TNS1: variants seen among roughly 807,000 people sequenced by gnomAD.
TNS1 encodes tensin 1.
Under a neutral mutation model 168.6 loss-of-function variants are expected in TNS1, and 62 were observed. The observed-to-expected ratio is 0.37, with a 90% CI of 0.30 to 0.45. TNS1 has a LOEUF of 0.45. TNS1 is among the 20% of genes least tolerant of loss of function. The pLI, the probability that TNS1 is intolerant of heterozygous loss-of-function variation, is 1.00. For missense variants in TNS1, 2,240 were observed against 2,339.4 expected (o/e 0.96, Z 0.88); for synonymous variants, 934 against 933.2 (o/e 1.00, Z -0.02).
upstream of TNS1, among the ~76,000 whole-genome samples, chr2:218,013,705 C>T (rs1367065423): frequency 2.6e-5 from 4 of 152,108 alleles, no homozygotes; most frequent in Admixed American, 1.3e-4. Context: ...TCCTCCCTCC[C>T]GCACCTCTCC....
At position 217,880,180 on chromosome 2, in the gene TNS1, C is replaced by T. The variant is rs1950559185; in HGVS notation, c.1429+718G>A. On this transcript the variant is annotated intron_variant, in intron 18 of 32. Coordinates refer to ENST00000682258, the MANE Select transcript of TNS1 (RefSeq NM_001387777.1). This position sits in a 1 kb window ranked among gnomAD's most constrained non-coding sequence, Gnocchi z 4.2. ...TCGGAGCCCGCCCCACGTCTCCTTA[C>T]ACATATGCAGATAGACCACATAAAT... 6.6e-6 allele frequency among the ~76,000 whole-genome samples: 1 copy of T among 152,216 alleles called. No individual in the cohort carries two copies. The highest frequency in any genetic ancestry group is 2.4e-5 in the African/African-American group (1 of 41,456).
intron 2 of TNS1, among the ~76,000 whole-genome samples, chr2:217,985,931 C>T (rs1958182977): frequency 6.6e-6 from 1 of 152,190 alleles, no homozygotes; most frequent in Admixed American, 6.5e-5. Flanking sequence ...GCCCTGACCC[C>T]TTAAGATTCC....
chr2:217,985,112 G>A (rs1958162041), intron 2 of TNS1, among the ~76,000 whole-genome samples: 1 of 149,298 alleles, frequency 6.7e-6, no homozygotes, highest in South Asian at 2.1e-4. Context: ...TAGTGTTAGT[G>A]TACTTTATGT....
upstream of TNS1, among the ~76,000 whole-genome samples, chr2:218,011,310 C>CA (rs1958704101): frequency 6.6e-6 from 1 of 152,120 alleles, no homozygotes; most frequent in Admixed American, 6.5e-5. Context: ...GGGAGAGACA[C>CA]AGAGACAGGT....
intron 3 of TNS1, among the ~76,000 whole-genome samples, chr2:217,928,210 G>A (rs1575099537): frequency 6.6e-6 from 1 of 152,238 alleles, no homozygotes; most frequent in African/African-American, 2.4e-5. Flanking sequence ...AAGATTACAA[G>A]GCTTGCCTGA....
intron 6 of TNS1, among the ~76,000 whole-genome samples, chr2:217,902,183 A>G (rs1009103510): frequency 4.6e-5 from 7 of 152,174 alleles, no homozygotes; most frequent in African/African-American, 1.7e-4. Flanking sequence ...TCAGAGGAAC[A>G]CAGAAACCCA....
intron 32 of TNS1, among the ~76,000 whole-genome samples, chr2:217,807,005 G>C (rs543106616): frequency 7.2e-4 from 110 of 152,292 alleles, no homozygotes; most frequent in African/African-American, 2.6e-3. Flanking sequence ...CCACCTCTCT[G>C]AGGTGCTGAT....
intron 22 of TNS1, among the ~76,000 whole-genome samples, chr2:217,825,668 TG>T (rs1417009870): frequency 6.6e-6 from 1 of 152,016 alleles, no homozygotes; most frequent in African/African-American, 2.4e-5. Flanking sequence ...GCCAAGCCTG[TG>T]GCTTGCGGGT....
intron 3 of TNS1, among the ~76,000 whole-genome samples, chr2:217,921,472 C>T (rs998384956): frequency 2.0e-5 from 3 of 152,216 alleles, no homozygotes; most frequent in Admixed American, 6.5e-5. Context: ...TCCAGCTGAC[C>T]GCATGCTGTC....
rs1358944494 is a variant in TNS1 at position 217,813,259 on chromosome 2, G to C, written c.4910C>G (p.Pro1637Arg). ...LVRHFLIETG[P>R]RGVKLKGCPN... Reference sequence around the variant, plus strand: ...GCAGCCCTTGAGCTTGACTCCTCTGGGGCCAGTCTCTATCAGAAAATGCCT... The same window carrying C: ...GCAGCCCTTGAGCTTGACTCCTCTGCGGCCAGTCTCTATCAGAAAATGCCT... Residue 1637 changes from proline to arginine, a missense_variant, in exon 27 of 33, where the codon CCC becomes CGC. By Grantham distance (103) the Pro-to-Arg change is moderately radical. Coordinates refer to ENST00000682258, the MANE Select transcript of TNS1 (RefSeq NM_001387777.1). The surrounding 1 kb of genome is among the most constrained non-coding windows in gnomAD (Gnocchi z 4.0). 6.2e-7 allele frequency: 1 copy of C among 1,602,334 alleles called. No homozygotes were observed. The highest frequency in any genetic ancestry group is 1.3e-5 in the African/African-American group (1 of 74,664).
chr2:217,905,759 G>C (rs543413966), intron 6 of TNS1, among the ~76,000 whole-genome samples: 1 of 152,356 alleles, frequency 6.6e-6, no homozygotes, highest in South Asian at 2.1e-4. Flanking sequence ...TCCTGGAAGA[G>C]ACCCCGAGCC....
chr2:217,870,676 G>T (rs183751734), intron 18 of TNS1, among the ~76,000 whole-genome samples: 342 of 152,256 alleles, frequency 2.2e-3, no homozygotes, highest in Admixed American at 3.7e-3. Context: ...GCGTGGCTCC[G>T]GCCTTCCAGC....
chr2:217,849,400 G>A (rs1371224659), intron 18 of TNS1, among the ~76,000 whole-genome samples: 1 of 152,238 alleles, frequency 6.6e-6, no homozygotes, highest in Non-Finnish European at 1.5e-5. Context: ...CTGACCAGAG[G>A]CATGAATAAC....
At chr2:217,820,396 T>C (rs73074321) in intron 23 of TNS1, among the ~76,000 whole-genome samples, 6,540 of 152,250 alleles carry the variant, frequency 0.043, 485 homozygotes, top group African/African-American at 0.15. Flanking sequence ...GGCTGCTGCC[T>C]GTTAAGAGGC....
In TNS1 at chr2:217,897,849, G is replaced by A; in HGVS notation, c.492C>T (p.Asn164=). The A allele has an allele frequency of 4.3e-6, 7 of 1,613,138 alleles. No individual in the cohort carries two copies. Among genetic ancestry groups the A allele is most frequent in the Non-Finnish European group, 5.9e-6 (7 of 1,179,530 alleles). The change falls in exon 8 of 33, where the codon AAC becomes AAT. Residue 164 remains asparagine (N), a synonymous_variant. Coordinates refer to ENST00000682258, the MANE Select transcript of TNS1 (RefSeq NM_001387777.1). The part of the protein sequence containing the change: ...STANEENFRS[N]LREVAQMLKS... The stretch of plus-strand genomic sequence containing the variant: ...TGAGCATCTGCGCCACCTCACGGAG[G>A]TTGCTCCGGAAGTTCTCCTCATTGG...
intron 4 of TNS1, 68 bp from the exon 5 acceptor site, chr2:217,907,319 T>G (rs1393417256): frequency 4.3e-6 from 3 of 699,796 alleles, no homozygotes; most frequent in Non-Finnish European, 7.8e-6. Flanking sequence ...TCTCTCCCCA[T>G]GGCTAGTGGC....
At chr2:217,970,127 C>A (rs768321881) in intron 3 of TNS1, among the ~76,000 whole-genome samples, 1 of 152,152 alleles carries the variant, frequency 6.6e-6, no homozygotes, top group East Asian at 1.9e-4. Flanking sequence ...CACCAAAGAT[C>A]GCTGGAAACC....
rs890176160 is a variant in TNS1, at chr2:217,810,054, A to G, written c.5105-63T>C. The G allele has an allele frequency of 4.5e-6, 7 of 1,554,790 alleles. No individual in the cohort carries two copies. The African/African-American group carries it at 8.2e-5, about 18-fold the overall frequency. On this transcript the variant is annotated intron_variant, in intron 29 of 32. Transcript: ENST00000682258. ...GGCGTGGGTGAGGACATTAACCCAGATCCATTCTTCAGGGAGAAGGTAGCA... is the reference window on the plus strand; with the variant it reads ...GGCGTGGGTGAGGACATTAACCCAGGTCCATTCTTCAGGGAGAAGGTAGCA...
rs139669987 is a variant in TNS1 at position 217,818,651 on chromosome 2, G to A, written c.3681C>T (p.Pro1227=). ...GGTAGTTTCTCTGGGCAGACGGGCT[G>A]GGCTGTCCCAGGCTGCCTGAGCGGA... ...SGFRSGSLGQ[P]SPSAQRNYQS... is the part of the protein sequence containing the mutation. The change falls in exon 24 of 33, where the codon CCC becomes CCT. Residue 1227 remains proline, a synonymous_variant. Coordinates refer to ENST00000682258, the MANE Select transcript of TNS1 (RefSeq NM_001387777.1). 2 of 1,614,210 alleles carry A rather than the reference G, an allele frequency of 1.2e-6. No homozygotes were observed. The highest frequency in any genetic ancestry group is 1.7e-6 in the Non-Finnish European group (2 of 1,180,024).
Sources: gnomAD v4.1 joint callset for allele counts (sites outside exome capture counted in the v4.1 genomes callset) on GRCh38, gnomAD v4.1.1 for gene constraint, Gnocchi (gnomAD v3.1) non-coding constraint, MANE v1.5 for transcripts, NCBI Gene and HGNC (gene_info 2026-07-23, HGNC 2026-07-21) for gene names.